IL19: variants seen among roughly 807,000 people sequenced by gnomAD.
The protein encoded by IL19 is interleukin 19.
IL19 carries 15 observed loss-of-function variants against 19.5 expected under a neutral mutation model. The ratio of observed to expected loss-of-function variants is 0.77; its 90% CI spans 0.52 to 1.19. The LOEUF (loss-of-function observed/expected upper bound fraction) is 1.19. Ranked by LOEUF, IL19 falls within the 50% of genes most tolerant of loss-of-function variation. IL19 has a pLI of 0.00. For missense variants in IL19, 199 were observed against 213.1 expected, an observed-to-expected ratio of 0.93 and a Z score of 0.41; for synonymous variants, 78 against 78.3, an observed-to-expected ratio of 1.00 and a Z score of 0.02.
chr1:206,800,996 A>G (rs1675667629), intron 2 of IL19, among the ~76,000 whole-genome samples: 1 of 152,206 alleles, frequency 6.6e-6, no homozygotes, highest in Non-Finnish European at 1.5e-5. Context: ...CCTCTGGCTT[A>G]TGGAGCGAGA....
intron 6 of IL19, among the ~76,000 whole-genome samples, chr1:206,842,244 T>C (rs1445408614): frequency 6.6e-6 from 1 of 152,048 alleles, no homozygotes; most frequent in East Asian, 1.9e-4. Flanking sequence ...GATTTTTTTT[T>C]CCTGTGAAAA....
At chr1:206,821,333 A>C (rs1264397546) in intron 2 of IL19, among the ~76,000 whole-genome samples, 2 of 152,248 alleles carry the variant, frequency 1.3e-5, no homozygotes, top group Middle Eastern at 3.2e-3. Context: ...AGATTAAATG[A>C]GTTCAAGTCC....
At position 206,842,858 on chromosome 1, in the gene IL19, G is replaced by A. The variant is rs1361036318; in HGVS notation, c.*236G>A. On this transcript the variant is annotated 3_prime_UTR_variant, in exon 7 of 7. Transcript: ENST00000659997. The stretch of plus-strand genomic sequence containing the variant: ...CAGGCCATCCTGGGAGTAAAGGGCT[G>A]CCTTCCCATCTAATTTATTGTAAAG... 9.3e-6 allele frequency: 4 copies of A among 432,330 alleles called. No individual in the cohort carries two copies. The highest frequency in any genetic ancestry group is 1.7e-5 in the Non-Finnish European group (4 of 239,762). 26.8% of individuals were successfully genotyped at this position (432,330 alleles called of 1,614,324 possible). A position where few individuals can be genotyped will look rare whatever the true frequency, so the allele number is the denominator to read the frequency against.
intron 2 of IL19, among the ~76,000 whole-genome samples, chr1:206,815,817 T>A (rs1380076703): frequency 2.6e-5 from 4 of 152,218 alleles, no homozygotes; most frequent in African/African-American, 9.6e-5. Flanking sequence ...AGCAGTATCT[T>A]TAAAGTACAG....
chr1:206,838,743 TC>T (rs1558623820), intron 4 of IL19, among the ~76,000 whole-genome samples: 6 of 11,052 alleles, frequency 5.4e-4, no homozygotes, highest in African/African-American at 1.5e-3. Flanking sequence ...TCCTTTCCCT[TC>T]CCTTCCCTTC....
At chr1:206,798,672 C>T (rs1675593179) in intron 1 of IL19, among the ~76,000 whole-genome samples, 189 bp from the exon 2 acceptor site, 1 of 152,024 alleles carries the variant, frequency 6.6e-6, no homozygotes, top group South Asian at 2.1e-4. Flanking sequence ...CGAGAAACAC[C>T]ACTGTCCTCC....
chr1:206,839,636 G>A (rs1371996922), intron 4 of IL19, among the ~76,000 whole-genome samples: 1 of 152,114 alleles, frequency 6.6e-6, no homozygotes, highest in African/African-American at 2.4e-5. Context: ...CGGCCATACA[G>A]AAAAAGGGGA....
chr1:206,774,518 A>C (rs1474017021), intron 1 of IL19, among the ~76,000 whole-genome samples: 1 of 152,100 alleles, frequency 6.6e-6, no homozygotes, highest in Non-Finnish European at 1.5e-5. Flanking sequence ...TGGGTGTTCC[A>C]GAAGTGGACT....
intron 1 of IL19, among the ~76,000 whole-genome samples, chr1:206,797,432 C>T (rs1456512566): frequency 6.6e-6 from 1 of 152,104 alleles, no homozygotes; most frequent in Non-Finnish European, 1.5e-5. Flanking sequence ...ACATCCCCCA[C>T]CTCCGAGAGT....
chr1:206,784,858 C>T (rs768038960), intron 1 of IL19, among the ~76,000 whole-genome samples: 2 of 152,252 alleles, frequency 1.3e-5, no homozygotes, highest in Non-Finnish European at 2.9e-5. Context: ...GATGCCTGCG[C>T]GACGCAGGCC....
At chr1:206,785,442 A>G (rs1302632090) in intron 1 of IL19, among the ~76,000 whole-genome samples, 4 of 152,186 alleles carry the variant, frequency 2.6e-5, no homozygotes, top group African/African-American at 9.7e-5. Context: ...AGCCATGAAA[A>G]TAACACTGAA....
chr1:206,837,095 T>C, intron 4 of IL19, 72 bp downstream of exon 4: 1 of 1,203,238 alleles, frequency 8.3e-7, no homozygotes, highest in East Asian at 2.3e-5. Context: ...GAGAAAGAAA[T>C]CCCTACCTTG....
At chr1:206,781,878 CATATATATGTATATAGTTAT>C (rs1675143064) in intron 1 of IL19, among the ~76,000 whole-genome samples, 5 of 134,114 alleles carry the variant, frequency 3.7e-5, no homozygotes, top group South Asian at 4.5e-4. Flanking sequence ...GTTATATATA[CATATATATGTATATAGTTAT>C]ATATACATAT....
intron 2 of IL19, among the ~76,000 whole-genome samples, chr1:206,830,767 C>T (rs768162941): frequency 1.3e-5 from 2 of 152,066 alleles, no homozygotes; most frequent in Non-Finnish European, 2.9e-5. Context: ...TTAGTAGAGA[C>T]GGGGTTTCAC....
At chr1:206,828,717 CT>C (rs1676504882) in intron 2 of IL19, among the ~76,000 whole-genome samples, 3 of 151,550 alleles carry the variant, frequency 2.0e-5, no homozygotes, top group African/African-American at 2.4e-5. Flanking sequence ...ATTTTTTTTT[CT>C]GGATTTTGTG....
chr1:206,836,864 A>T, intron 3 of IL19, 58 bp downstream of exon 3: 1 of 1,608,818 alleles, frequency 6.2e-7, no homozygotes, highest in Non-Finnish European at 8.5e-7. Context: ...CTTACATCTT[A>T]GCTTGAAAAT....
At chr1:206,810,899 G>A (rs1365447473) in intron 2 of IL19, among the ~76,000 whole-genome samples, 1 of 152,148 alleles carries the variant, frequency 6.6e-6, no homozygotes, top group African/African-American at 2.4e-5. Context: ...GTTTAAAAGA[G>A]CATGGCATCT....
intron 2 of IL19, among the ~76,000 whole-genome samples, chr1:206,827,722 A>G (rs887619958): frequency 7.9e-5 from 12 of 151,970 alleles, no homozygotes; most frequent in Non-Finnish European, 1.6e-4. Context: ...AAAAAAACAA[A>G]AAGAACAAAA....
chr1:206,787,131 C>A (rs2102452090), intron 1 of IL19, among the ~76,000 whole-genome samples: 1 of 152,296 alleles, frequency 6.6e-6, no homozygotes, highest in Middle Eastern at 3.4e-3. Context: ...TCAGAATATG[C>A]CCTGTGCTCT....
Sources: allele counts gnomAD v4.1 joint callset (sites outside exome capture counted in the v4.1 genomes callset), GRCh38; gene constraint gnomAD v4.1.1; transcripts MANE v1.5; gene names NCBI Gene and HGNC (gene_info 2026-07-23, HGNC 2026-07-21).